ANKRD28: variants seen among roughly 807,000 people sequenced by gnomAD.
ANKRD28 encodes ankyrin repeat domain 28.
In ANKRD28, 44 loss-of-function variants were observed where a neutral mutation model predicts 126.5. The ratio of observed to expected loss-of-function variants is 0.35; its 90% CI spans 0.27 to 0.45. The LOEUF (loss-of-function observed/expected upper bound fraction) is 0.45. Ranked by LOEUF, ANKRD28 falls within the 20% of genes least tolerant of loss-of-function variation. The pLI is 1.00. For synonymous variants in ANKRD28, 442 were observed against 468.5 expected, an observed-to-expected ratio of 0.94 and a Z score of 0.73; for missense variants, 1,110 against 1,316.6, an observed-to-expected ratio of 0.84 and a Z score of 2.43.
intron 6 of ANKRD28, among the ~76,000 whole-genome samples, chr3:15,734,719 C>T (rs369384175): frequency 3.3e-5 from 5 of 152,136 alleles, no homozygotes; most frequent in Non-Finnish European, 7.4e-5. Flanking sequence ...CATCCAGAAG[C>T]GAGCATTTCT....
At chr3:15,800,246 T>C (rs552308075), upstream of ANKRD28, among the ~76,000 whole-genome samples, 11 of 152,110 alleles carry the variant, frequency 7.2e-5, no homozygotes, top group African/African-American at 2.4e-4. Context: ...AGAAATAGAG[T>C]AACAGTACAG....
At chr3:15,711,038 G>A (rs1287715140) in intron 12 of ANKRD28, among the ~76,000 whole-genome samples, 173 bp downstream of exon 12, 2 of 151,822 alleles carry the variant, frequency 1.3e-5, no homozygotes, top group East Asian at 1.9e-4. Flanking sequence ...CAACTTGGCT[G>A]GAATAAGATG....
At chr3:15,710,387 C>T (rs967530350) in intron 12 of ANKRD28, among the ~76,000 whole-genome samples, 19 of 152,080 alleles carry the variant, frequency 1.2e-4, no homozygotes, top group Admixed American at 9.2e-4. Flanking sequence ...TCTGTTGTCC[C>T]TCTCTCTGTA....
At position 15,814,345 on chromosome 3, in the gene ANKRD28, G is replaced by T; in HGVS notation, c.28-19039C>A. The T allele has an allele frequency of 8.6e-7, 1 of 1,164,310 alleles. No individual in the cohort carries two copies. The highest frequency in any genetic ancestry group is 1.1e-6 in the Non-Finnish European group (1 of 893,732). 72.1% of individuals were successfully genotyped at this position (1,164,310 alleles called of 1,614,324 possible). A position where few individuals can be genotyped will look rare whatever the true frequency, so the allele number is the denominator to read the frequency against. On this transcript the variant is annotated intron_variant, in intron 1 of 27. Coordinates refer to the ANKRD28 transcript ENST00000399451. The surrounding 1 kb of genome is among the most constrained non-coding windows in gnomAD (Gnocchi z 4.7). ...AAACAGATATCAAAAGAAAGAATAC[G>T]CTGATCCTAGAAATTAAGGGCTATG...
intron 1 of ANKRD28, among the ~76,000 whole-genome samples, chr3:15,858,691 C>G (rs112157917): frequency 5.3e-5 from 8 of 152,282 alleles, no homozygotes; most frequent in African/African-American, 1.9e-4. Context: ...CCGGATCCTT[C>G]AAAAGCCTTA....
intron 21 of ANKRD28, among the ~76,000 whole-genome samples, chr3:15,682,570 C>T (rs1020375138): frequency 1.3e-5 from 2 of 152,150 alleles, no homozygotes; most frequent in African/African-American, 4.8e-5. Flanking sequence ...TTCTTAAGTT[C>T]TGTGATTGAA....
chr3:15,679,274 C>T (rs924244385), intron 23 of ANKRD28, 27 bp downstream of exon 23: 3 of 1,608,806 alleles, frequency 1.9e-6, no homozygotes, highest in Admixed American at 3.3e-5. Context: ...CTGGCTAAAA[C>T]TATTTAATAC....
At chr3:15,821,821 T>C (rs886455917) in intron 1 of ANKRD28, among the ~76,000 whole-genome samples, 6 of 152,138 alleles carry the variant, frequency 3.9e-5, no homozygotes, top group African/African-American at 1.4e-4. Flanking sequence ...CTCAAAAAAC[T>C]GTGGTTGTAT....
Position 15,853,181 on chromosome 3 carries a change from C to A in ANKRD28, c.27+6196G>T, listed in dbSNP as rs1384678253. Among the ~76,000 whole-genome samples the A allele has an allele frequency of 1.3e-5, 2 of 152,062 alleles. No individual in the cohort carries two copies. The highest frequency in any genetic ancestry group is 3.9e-4 in the East Asian group (2 of 5,188). ...TAACTAATAATTTCATTAATTTTGG[C>A]TTTAAATTTAAGGTATTACTTTGTT... On this transcript the variant is annotated intron_variant, in intron 1 of 27. Transcript: ENST00000399451. This position sits in a 1 kb window ranked among gnomAD's most constrained non-coding sequence, Gnocchi z 4.2.
chr3:15,711,309 A>G (rs747762571), intron 11 of ANKRD28, 35 bp from the exon 12 acceptor site: 8 of 1,535,700 alleles, frequency 5.2e-6, no homozygotes, highest in Non-Finnish European at 6.3e-6. Flanking sequence ...TATAACAGAC[A>G]TATTATTTTA....
At chr3:15,791,615 A>C (rs1176097297) in intron 2 of ANKRD28, among the ~76,000 whole-genome samples, 1 of 152,122 alleles carries the variant, frequency 6.6e-6, no homozygotes, top group East Asian at 1.9e-4. Context: ...AATTCAAATC[A>C]AAATGCATTA....
intron 1 of ANKRD28, among the ~76,000 whole-genome samples, chr3:15,795,743 T>C (rs2060248601): frequency 6.6e-6 from 1 of 152,094 alleles, no homozygotes; most frequent in South Asian, 2.1e-4. Context: ...TGGATTAGCA[T>C]TACATGTATA....
At chr3:15,798,268 G>C, upstream of ANKRD28, 3 of 627,514 alleles carry the variant, frequency 4.8e-6, no homozygotes, top group South Asian at 1.4e-4. Flanking sequence ...TATAATGACA[G>C]TTGCAGTAAG....
At chr3:15,764,982 C>T (rs1282182255) in intron 3 of ANKRD28, among the ~76,000 whole-genome samples, 1 of 152,118 alleles carries the variant, frequency 6.6e-6, no homozygotes, top group African/African-American at 2.4e-5. Context: ...CGGCAAAACT[C>T]TGGGCTATTA....
chr3:15,719,608 G>C (rs1034010603), intron 8 of ANKRD28, among the ~76,000 whole-genome samples: 1 of 152,028 alleles, frequency 6.6e-6, no homozygotes, highest in African/African-American at 2.4e-5. Context: ...CTCACCTGTC[G>C]CCCAGGCTAG....
intron 10 of ANKRD28, among the ~76,000 whole-genome samples, chr3:15,713,155 C>T (rs149793751): frequency 6.6e-6 from 1 of 152,002 alleles, no homozygotes; most frequent in East Asian, 1.9e-4. Flanking sequence ...ACAGCACAGC[C>T]TGAAAAGTAT....
At chr3:15,852,483 A>G (rs541962150) in intron 1 of ANKRD28, among the ~76,000 whole-genome samples, 6 of 152,260 alleles carry the variant, frequency 3.9e-5, no homozygotes, top group Non-Finnish European at 5.9e-5. Context: ...AATAGAAAAT[A>G]CATATCTTTA....
chr3:15,760,495 G>GT (rs2058400160), intron 3 of ANKRD28, among the ~76,000 whole-genome samples: 1 of 152,154 alleles, frequency 6.6e-6, no homozygotes, highest in Non-Finnish European at 1.5e-5. Context: ...TCGAAGATAC[G>GT]TAAGAATCTG....
At chr3:15,746,761 A>G (rs1054540912) in intron 4 of ANKRD28, among the ~76,000 whole-genome samples, 1 of 152,170 alleles carries the variant, frequency 6.6e-6, no homozygotes, top group African/African-American at 2.4e-5. Flanking sequence ...AAAAGTATCA[A>G]TAGGACTGGT....
Sources: allele counts gnomAD v4.1 joint callset (sites outside exome capture counted in the v4.1 genomes callset), GRCh38; gene constraint gnomAD v4.1.1; non-coding constraint Gnocchi (gnomAD v3.1); transcripts MANE v1.5; gene names NCBI Gene and HGNC (gene_info 2026-07-23, HGNC 2026-07-21).